ATP8A1: variants seen among roughly 807,000 people sequenced by gnomAD.
The protein encoded by ATP8A1 is ATPase phospholipid transporting 8A1, also known as phospholipid-transporting ATPase IA.
ATP8A1 carries 90 observed loss-of-function variants against 177.7 expected under a neutral mutation model. The ratio of observed to expected loss-of-function variants is 0.51; its 90% CI spans 0.43 to 0.60. The LOEUF (loss-of-function observed/expected upper bound fraction) is 0.60, where lower values mean the gene tolerates loss of function less well. Among genes scored for constraint, ATP8A1 ranks in the 20% least tolerant of loss-of-function variants. The probability of loss-of-function intolerance (pLI) is 0.00; values close to 1 mark genes in which losing one functional copy is unlikely to be tolerated. For missense variants in ATP8A1, 1,072 were observed against 1,392.8 expected, an observed-to-expected ratio of 0.77 and a Z score of 3.67; for synonymous variants, 493 against 485.9, an observed-to-expected ratio of 1.01 and a Z score of -0.19.
At chr4:42,532,180 G>A (rs755095195) in intron 20 of ATP8A1, among the ~76,000 whole-genome samples, 1 of 151,846 alleles carries the variant, frequency 6.6e-6, no homozygotes, top group Non-Finnish European at 1.5e-5. Flanking sequence ...TTTAACCAAG[G>A]AGGTGAAAGA....
intron 4 of ATP8A1, among the ~76,000 whole-genome samples, chr4:42,623,391 A>G (rs1168195628): frequency 6.6e-6 from 1 of 152,234 alleles, no homozygotes; most frequent in Non-Finnish European, 1.5e-5. Flanking sequence ...AGACATATGC[A>G]TATGTATGTT....
At chr4:42,435,695 T>G (rs1018636531) in intron 33 of ATP8A1, among the ~76,000 whole-genome samples, 1 of 152,144 alleles carries the variant, frequency 6.6e-6, no homozygotes, top group African/African-American at 2.4e-5. Flanking sequence ...TGTGTTTGGA[T>G]GGAAAATCCC....
chr4:42,465,136 T>A, intron 25 of ATP8A1, 60 bp from the exon 26 acceptor site: 3 of 1,454,488 alleles, frequency 2.1e-6, no homozygotes, highest in Non-Finnish European at 2.8e-6. Context: ...TGAAATGCCA[T>A]CGTGTTGAAG....
chr4:42,444,645 A>AG lies in ATP8A1; in HGVS notation c.2959-12dup. On this transcript the variant is annotated splice_polypyrimidine_tract_variant and intron_variant, in intron 31 of 36. Coordinates refer to ENST00000381668, the MANE Select transcript of ATP8A1 (RefSeq NM_006095.2). ...AGTTATCACCACAAACTAAAACAGAAGGGGAAAATGTTATTTTACCTCATA... is the reference window on the plus strand; with the variant it reads ...AGTTATCACCACAAACTAAAACAGAAGGGGGAAAATGTTATTTTACCTCATA... 1 of 1,613,196 alleles carries AG rather than the reference A, an allele frequency of 6.2e-7. No individual in the cohort carries two copies.
intron 35 of ATP8A1, chr4:42,414,988 G>A (rs1425572656): frequency 7.5e-6 from 3 of 399,556 alleles, no homozygotes; most frequent in East Asian, 4.5e-5. Flanking sequence ...CCCCCACTCA[G>A]TTATATTTAA....
chr4:42,593,758 G>A (rs1734434709), intron 6 of ATP8A1, among the ~76,000 whole-genome samples: 1 of 151,930 alleles, frequency 6.6e-6, no homozygotes. Flanking sequence ...TAAAATATGA[G>A]TAAAATGAAA....
At chr4:42,559,874 T>G (rs775224815) in intron 15 of ATP8A1, among the ~76,000 whole-genome samples, 1 of 152,116 alleles carries the variant, frequency 6.6e-6, no homozygotes, top group Non-Finnish European at 1.5e-5. Context: ...CTTGGCTAAT[T>G]TTTGTATTTT....
chr4:42,446,755 G>T, intron 30 of ATP8A1, 111 bp from the exon 31 acceptor site: 1 of 896,786 alleles, frequency 1.1e-6, no homozygotes, highest in Non-Finnish European at 1.7e-6. Context: ...GATACACAAT[G>T]GAGCCAGAAA....
chr4:42,476,675 T>C (rs980367882), intron 25 of ATP8A1, among the ~76,000 whole-genome samples: 5 of 150,804 alleles, frequency 3.3e-5, no homozygotes, highest in Non-Finnish European at 5.9e-5. Flanking sequence ...ATCCCAAAAG[T>C]GCAAACCATA....
intron 24 of ATP8A1, among the ~76,000 whole-genome samples, chr4:42,491,321 A>T (rs765094601): frequency 2.0e-5 from 3 of 152,226 alleles, no homozygotes; most frequent in Non-Finnish European, 4.4e-5. Context: ...TGCTTGGCAG[A>T]TAATGAGGCC....
intron 33 of ATP8A1, 130 bp from the exon 34 acceptor site, chr4:42,423,835 T>C (rs4324577): frequency 0.21 from 105,075 of 505,224 alleles, 12,131 homozygotes; most frequent in South Asian, 0.29. Flanking sequence ...AACTCTGAAT[T>C]CGAACTTATG....
intron 33 of ATP8A1, among the ~76,000 whole-genome samples, chr4:42,440,334 AGTT>A (rs1163893235): frequency 8.4e-6 from 1 of 119,002 alleles, no homozygotes; most frequent in Non-Finnish European, 1.8e-5. Flanking sequence ...AAGCTCCTCC[AGTT>A]TTTTTTTTTT....
At chr4:42,548,332 C>T (rs1729136929) in intron 19 of ATP8A1, among the ~76,000 whole-genome samples, 1 of 152,178 alleles carries the variant, frequency 6.6e-6, no homozygotes, top group South Asian at 2.1e-4. Flanking sequence ...TTCCAGATCA[C>T]CAGCCATAAG....
At chr4:42,642,268 C>A (rs942310826) in intron 1 of ATP8A1, among the ~76,000 whole-genome samples, 1 of 152,188 alleles carries the variant, frequency 6.6e-6, no homozygotes, top group Non-Finnish European at 1.5e-5. Flanking sequence ...AGGAAACCCA[C>A]AAAAGAGCAT....
chr4:42,632,491 G>A (rs1016484282), intron 1 of ATP8A1, among the ~76,000 whole-genome samples: 8 of 152,118 alleles, frequency 5.3e-5, no homozygotes, highest in Non-Finnish European at 1.2e-4. Flanking sequence ...ATTCTTGGTC[G>A]TAAAATGGCC....
At chr4:42,434,888 C>T (rs1185230362) in intron 33 of ATP8A1, among the ~76,000 whole-genome samples, 1 of 152,194 alleles carries the variant, frequency 6.6e-6, no homozygotes, top group South Asian at 2.1e-4. Flanking sequence ...TAGTCTCTGA[C>T]GACTGTGCAG....
chr4:42,520,128 T>TA (rs1444796967), intron 22 of ATP8A1, among the ~76,000 whole-genome samples: 1 of 152,184 alleles, frequency 6.6e-6, no homozygotes, highest in Non-Finnish European at 1.5e-5. Context: ...ATCTAATCTA[T>TA]AAAAAACTCT....
chr4:42,606,938 C>T (rs1735852474), intron 5 of ATP8A1, among the ~76,000 whole-genome samples: 1 of 152,206 alleles, frequency 6.6e-6, no homozygotes, highest in African/African-American at 2.4e-5. Flanking sequence ...CTGAGACAAG[C>T]ACAAACTTAT....
chr4:42,615,041 C>G (rs1310698120), intron 5 of ATP8A1, among the ~76,000 whole-genome samples: 1 of 152,154 alleles, frequency 6.6e-6, no homozygotes, highest in East Asian at 1.9e-4. Context: ...CAGATCATCT[C>G]TTTGTACTTT....
Sources: allele counts gnomAD v4.1 joint callset (sites outside exome capture counted in the v4.1 genomes callset), GRCh38; gene constraint gnomAD v4.1.1; transcripts MANE v1.5; gene names NCBI Gene and HGNC (gene_info 2026-07-23, HGNC 2026-07-21).